Variants in TRAK1 observed in about 807,000 individuals in gnomAD.
The protein encoded by TRAK1 is trafficking kinesin protein 1, also known as trafficking kinesin-binding protein 1.
In TRAK1, 33 loss-of-function variants were observed where a neutral mutation model predicts 92.1. That is an observed-to-expected ratio of 0.36 (90% CI 0.27 to 0.48). TRAK1 has a LOEUF of 0.48. Among genes scored for constraint, TRAK1 ranks in the 20% least tolerant of loss-of-function variants. The pLI is 0.99. For synonymous variants in TRAK1, 521 were observed against 517.3 expected, an observed-to-expected ratio of 1.01 and a Z score of -0.10; for missense variants, 1,123 against 1,257.9, an observed-to-expected ratio of 0.89 and a Z score of 1.62.
chr3:42,196,704 ATT>A (rs35460407), intron 10 of TRAK1, among the ~76,000 whole-genome samples: 276 of 141,986 alleles, frequency 1.9e-3, no homozygotes, highest in Middle Eastern at 3.6e-3. Context: ...CGCCCGGCTA[ATT>A]TTTTTTTTTT....
chr3:42,175,066 T>C (rs1273207758), intron 2 of TRAK1, among the ~76,000 whole-genome samples: 3 of 152,164 alleles, frequency 2.0e-5, no homozygotes, highest in Non-Finnish European at 4.4e-5. Context: ...TAGCCCAGTT[T>C]TCTTTTTTTC....
chr3:42,163,691 A>G (rs993005829), intron 2 of TRAK1, among the ~76,000 whole-genome samples: 5 of 152,126 alleles, frequency 3.3e-5, no homozygotes, highest in African/African-American at 1.2e-4. Context: ...TCCAATGCAC[A>G]TTGTCCTGTG....
upstream of TRAK1, among the ~76,000 whole-genome samples, chr3:42,082,598 A>AAAAC (rs201028477): frequency 8.5e-5 from 13 of 152,112 alleles, 1 homozygote; most frequent in South Asian, 4.1e-4. Flanking sequence ...CCTGTCTCAA[A>AAAAC]AAACAAACAA....
intron 1 of TRAK1, among the ~76,000 whole-genome samples, chr3:42,027,970 C>T (rs1475850682): frequency 6.6e-6 from 1 of 152,162 alleles, no homozygotes; most frequent in Non-Finnish European, 1.5e-5. Flanking sequence ...GTGCCTTAGC[C>T]TCCTGAGTAG....
intron 2 of TRAK1, among the ~76,000 whole-genome samples, chr3:42,171,617 C>T (rs1702567298): frequency 6.6e-6 from 1 of 152,150 alleles, no homozygotes; most frequent in African/African-American, 2.4e-5. Context: ...TCTGCTCCTT[C>T]CCACTTCTCC....
At chr3:42,140,605 C>T (rs762469985) in intron 2 of TRAK1, among the ~76,000 whole-genome samples, 1 of 152,136 alleles carries the variant, frequency 6.6e-6, no homozygotes, top group Non-Finnish European at 1.5e-5. Context: ...CCAGCCTGGG[C>T]GACAGAGTGA....
chr3:42,054,856 G>A (rs1453960228), intron 1 of TRAK1, among the ~76,000 whole-genome samples: 2 of 131,004 alleles, frequency 1.5e-5, no homozygotes, highest in Non-Finnish European at 3.1e-5. Context: ...GCCCAAAGCT[G>A]TAGACTTAAA....
At chr3:42,065,289 A>G (rs553555070) in intron 1 of TRAK1, among the ~76,000 whole-genome samples, 49 of 152,250 alleles carry the variant, frequency 3.2e-4, no homozygotes, top group Middle Eastern at 3.4e-3. Flanking sequence ...AAAAATACAG[A>G]TTGAGTATCC....
rs188394460 is a variant in TRAK1, at chr3:42,193,199, A to G, written c.894A>G (p.Ala298=). ...LSQIVDLQKK[A]KACAVENEEL... is the part of the protein sequence containing the mutation. ...AAATAGTTGATTTGCAGAAAAAGGC[A>G]AAAGCTGTAAGGCTTCTCTGTTTAT... Residue 298 remains alanine (A), a synonymous_variant, in exon 8 of 16, where the codon GCA becomes GCG. Coordinates refer to ENST00000327628, the MANE Select transcript of TRAK1 (RefSeq NM_001042646.3). 3.7e-6 allele frequency: 6 copies of G among 1,614,044 alleles called. No individual in the cohort carries two copies. The highest frequency in any genetic ancestry group is 5.1e-6 in the Non-Finnish European group (6 of 1,179,950).
chr3:42,117,853 C>T (rs1367339301), intron 1 of TRAK1, among the ~76,000 whole-genome samples: 1 of 151,344 alleles, frequency 6.6e-6, no homozygotes, highest in Admixed American at 6.6e-5. Flanking sequence ...GAGTCTAGCT[C>T]TGTCATCAGG....
In TRAK1 at chr3:42,223,655, GC is replaced by G; in HGVS notation, c.2781del (p.Ser927ArgfsTer4). 1 of 1,614,120 alleles carries G rather than the reference GC, an allele frequency of 6.2e-7. No individual in the cohort carries two copies. The highest frequency in any genetic ancestry group is 8.5e-7 in the Non-Finnish European group (1 of 1,180,020). On this transcript the variant is annotated frameshift_variant, in exon 16 of 16. Transcript: ENST00000327628. LOFTEE classifies it high-confidence loss of function. The surrounding 1 kb of genome is among the most constrained non-coding windows in gnomAD (Gnocchi z 6.1). ...NRSFPTMVGS[S>X]MQMKAPVTLT... ...AGCTTCCCCACCATGGTGGGATCTAGCATGCAGATGAAAGCTCCTGTGACTC... is the reference window on the plus strand; with the variant it reads ...AGCTTCCCCACCATGGTGGGATCTAGATGCAGATGAAAGCTCCTGTGACTC...
At chr3:42,121,461 A>T (rs575525596) in intron 1 of TRAK1, among the ~76,000 whole-genome samples, 3 of 151,946 alleles carry the variant, frequency 2.0e-5, no homozygotes, top group Non-Finnish European at 4.4e-5. Flanking sequence ...GGGTTTCACC[A>T]TGTTAGCCAG....
At chr3:42,149,283 C>G (rs1203709187) in intron 2 of TRAK1, 1 of 1,372,446 alleles carries the variant, frequency 7.3e-7, no homozygotes, top group Non-Finnish European at 9.4e-7. Flanking sequence ...CTGCCAGGGT[C>G]TCCGTTAGCT....
At chr3:42,139,005 G>A (rs1372536920) in intron 2 of TRAK1, among the ~76,000 whole-genome samples, 7 of 151,518 alleles carry the variant, frequency 4.6e-5, no homozygotes, top group African/African-American at 1.7e-4. Context: ...GTTGAATGAA[G>A]GAAGGAAGGA....
At chr3:42,056,314 G>C (rs1703201968) in intron 1 of TRAK1, among the ~76,000 whole-genome samples, 2 of 152,296 alleles carry the variant, frequency 1.3e-5, no homozygotes, top group Middle Eastern at 3.4e-3. Context: ...GTGAGTGAGG[G>C]TTCTGGTTTG....
intron 3 of TRAK1, among the ~76,000 whole-genome samples, chr3:42,177,771 G>T (rs1452607157): frequency 6.6e-6 from 1 of 152,184 alleles, no homozygotes; most frequent in Non-Finnish European, 1.5e-5. Flanking sequence ...CCGTTTTTGT[G>T]TGTCTCTCTT....
chr3:42,046,338 TA>T (rs11411603), intron 1 of TRAK1, among the ~76,000 whole-genome samples: 456 of 142,908 alleles, frequency 3.2e-3, no homozygotes, highest in South Asian at 6.5e-3. Context: ...AGAGAACATT[TA>T]AAAAAAAAAA....
intron 14 of TRAK1, among the ~76,000 whole-genome samples, chr3:42,215,938 T>C (rs1315581312): frequency 6.6e-6 from 1 of 152,192 alleles, no homozygotes; most frequent in African/African-American, 2.4e-5. Flanking sequence ...GAGGGTTCTT[T>C]TAAGGACTAG....
intron 2 of TRAK1, among the ~76,000 whole-genome samples, chr3:42,126,190 A>G (rs1399098157): frequency 6.6e-6 from 1 of 150,930 alleles, no homozygotes; most frequent in Non-Finnish European, 1.5e-5. Context: ...AAATGTTCCT[A>G]TTTCTATTTC....
Sources: gnomAD v4.1 joint callset for allele counts (sites outside exome capture counted in the v4.1 genomes callset) on GRCh38, gnomAD v4.1.1 for gene constraint, Gnocchi (gnomAD v3.1) non-coding constraint, MANE v1.5 for transcripts, NCBI Gene and HGNC (gene_info 2026-07-23, HGNC 2026-07-21) for gene names.